Variants in ENSA observed in about 807,000 individuals in gnomAD.
The protein encoded by ENSA is alpha-endosulfine.
A neutral mutation model predicts 16.8 loss-of-function variants in ENSA; 7 were observed. The ratio of observed to expected loss-of-function variants is 0.42; its 90% CI spans 0.24 to 0.78. The LOEUF (loss-of-function observed/expected upper bound fraction) is 0.78. ENSA is among the 30% of genes least tolerant of loss of function. The pLI is 0.29. For synonymous variants in ENSA, 58 were observed against 53.4 expected, an observed-to-expected ratio of 1.09 and a Z score of -0.37; for missense variants, 87 against 142.3, an observed-to-expected ratio of 0.61 and a Z score of 1.98.
chr1:150,625,537 G>A lies in ENSA; in HGVS notation c.350+105C>T, dbSNP rs587662361. 2.3e-5 allele frequency: 33 copies of A among 1,440,414 alleles called. No homozygotes were observed. In the South Asian group the frequency reaches 4.1e-4, roughly 18 times the overall value. 89.2% of individuals were successfully genotyped at this position (1,440,414 alleles called of 1,614,324 possible). ...CCCCAGCAGAATCACAGTCATTTCT[G>A]GCTAGCAAGCTGAGAAGATCTGACT... On this transcript the variant is annotated intron_variant, in intron 3 of 3. Transcript: ENST00000369014.
At chr1:150,623,916 G>A in intron 3 of ENSA, 2 of 985,434 alleles carry the variant, frequency 2.0e-6, no homozygotes, top group Non-Finnish European at 2.4e-6. Flanking sequence ...TGGCCAGTCA[G>A]GAGAAAGGCA....
rs191252530 is a variant in ENSA, at chr1:150,622,813, G to A, written c.*31C>T. 1.6e-3 allele frequency: 2,512 copies of A among 1,556,108 alleles called. 3 individuals are homozygous for A. The highest frequency in any genetic ancestry group is 3.3e-3 in the Admixed American group (171 of 51,704). Reference sequence around the variant, plus strand: ...CCCGGGTGGGGCAGGGAGGGGAAGCGTCTCAGGATCTGGCAGAGCCCCGGG... The same window carrying A: ...CCCGGGTGGGGCAGGGAGGGGAAGCATCTCAGGATCTGGCAGAGCCCCGGG... On this transcript the variant is annotated 3_prime_UTR_variant, in exon 4 of 4. Coordinates refer to ENST00000369014, the MANE Select transcript of ENSA (RefSeq NM_004436.4).
intron 3 of ENSA, chr1:150,623,729 C>T (rs188167314): frequency 1.0e-6 from 1 of 985,710 alleles, no homozygotes; most frequent in Admixed American, 6.2e-5. Context: ...TTCCCCTTCC[C>T]AGATGGACTT....
chr1:150,627,761 G>A (rs1649452535), intron 1 of ENSA, among the ~76,000 whole-genome samples, 169 bp from the exon 2 acceptor site: 1 of 152,182 alleles, frequency 6.6e-6, no homozygotes, highest in South Asian at 2.1e-4. Flanking sequence ...TAAAGCTCAA[G>A]ATGACTATTG....
At chr1:150,623,948 C>A (rs1571007593) in intron 3 of ENSA, 1 of 985,430 alleles carries the variant, frequency 1.0e-6, no homozygotes, top group East Asian at 1.1e-4. Flanking sequence ...CATCCCCCCA[C>A]ATGCACATCA....
chr1:150,623,764 G>A, intron 3 of ENSA: 1 of 985,704 alleles, frequency 1.0e-6, no homozygotes, highest in Non-Finnish European at 1.2e-6. Flanking sequence ...TGAGGAAATG[G>A]AGCAAGAAAC....
At chr1:150,626,519 T>TTA in intron 2 of ENSA, 1 of 1,613,742 alleles carries the variant, frequency 6.2e-7, no homozygotes, top group Non-Finnish European at 8.5e-7. Flanking sequence ...ATGTAATGAT[T>TTA]TATAATCCTA....
chr1:150,629,107 C>A, intron 1 of ENSA: 1 of 1,614,164 alleles, frequency 6.2e-7, no homozygotes, highest in Non-Finnish European at 8.5e-7. Flanking sequence ...ACCAGCCATC[C>A]CCTTTCCATT....
At chr1:150,625,830 T>C (rs1649266944) in intron 2 of ENSA, 22 bp from the exon 3 acceptor site, 6 of 1,573,752 alleles carry the variant, frequency 3.8e-6, no homozygotes, top group Non-Finnish European at 5.2e-6. Context: ...GAGGGAGGTT[T>C]AGGTGAGTGA....
At chr1:150,625,194 G>A (rs587616642) in intron 3 of ENSA, 2 of 986,496 alleles carry the variant, frequency 2.0e-6, no homozygotes, top group East Asian at 1.1e-4. Context: ...GCAGCCTAAG[G>A]GACAGAACAC....
chr1:150,626,893 T>C (rs1649370084), intron 2 of ENSA, among the ~76,000 whole-genome samples: 1 of 152,128 alleles, frequency 6.6e-6, no homozygotes, highest in Non-Finnish European at 1.5e-5. Flanking sequence ...CAGCTTTAGG[T>C]ACCTTTGGGA....
At chr1:150,624,015 T>C in intron 3 of ENSA, 1 of 985,440 alleles carries the variant, frequency 1.0e-6, no homozygotes, top group African/African-American at 1.7e-5. Flanking sequence ...GAATTTGTGA[T>C]GTGAGAGGGC....
At chr1:150,625,999 C>G (rs587685553) in intron 2 of ENSA, among the ~76,000 whole-genome samples, 191 bp from the exon 3 acceptor site, 1 of 152,272 alleles carries the variant, frequency 6.6e-6, no homozygotes, top group African/African-American at 2.4e-5. Flanking sequence ...CCAGTGTGTT[C>G]TGACTTTTTC....
chr1:150,629,527 G>C lies in ENSA; in HGVS notation c.-57C>G, dbSNP rs1239247711. ...CCGGGAAGGCAACCGGAGAAGGGAAGGGGGAGGGGAAACGGGGACAACCTG... is the reference window on the plus strand; with the variant it reads ...CCGGGAAGGCAACCGGAGAAGGGAACGGGGAGGGGAAACGGGGACAACCTG... On this transcript the variant is annotated 5_prime_UTR_variant, in exon 1 of 4. Coordinates refer to ENST00000369014, the MANE Select transcript of ENSA (RefSeq NM_004436.4). 4 of 1,589,500 alleles carry C rather than the reference G, an allele frequency of 2.5e-6. No homozygotes were observed. In the East Asian group the frequency reaches 8.9e-5, roughly 36 times the overall value.
At chr1:150,626,584 C>A (rs112139865) in intron 2 of ENSA, 1 of 1,347,320 alleles carries the variant, frequency 7.4e-7, no homozygotes, top group Non-Finnish European at 1.0e-6. Flanking sequence ...TGAGATGGAG[C>A]CTCGCTATGT....
chr1:150,622,768 G>T lies in ENSA; in HGVS notation c.*76C>A. The stretch of plus-strand genomic sequence containing the variant: ...GACCCCTGGCTGCAAAAGCAGGAAG[G>T]GGCAGGAGCCAGCACAGGACCCGGG... On this transcript the variant is annotated 3_prime_UTR_variant, in exon 4 of 4. Transcript: ENST00000369014. 6.7e-7 allele frequency: 1 copy of T among 1,503,588 alleles called. No individual in the cohort carries two copies. Among genetic ancestry groups the T allele is most frequent in the South Asian group, 1.3e-5 (1 of 79,910 alleles). 93.1% of individuals were successfully genotyped at this position (1,503,588 alleles called of 1,614,324 possible).
chr1:150,627,200 T>G, intron 2 of ENSA: 1 of 1,497,818 alleles, frequency 6.7e-7, no homozygotes, highest in Non-Finnish European at 8.9e-7. Flanking sequence ...AGTCTGCATT[T>G]CAGTTTCTAA....
chr1:150,622,871 C>CA lies in ENSA; in HGVS notation c.351-13dup, dbSNP rs1557767672. Reference sequence around the variant, plus strand: ...ATTCAACTTGGCCACTGCGGACGAACACAGAAGAAAAAAAAAAAAAACAAC... The same window carrying CA: ...ATTCAACTTGGCCACTGCGGACGAACAACAGAAGAAAAAAAAAAAAAACAAC... On this transcript the variant is annotated splice_polypyrimidine_tract_variant and intron_variant, in intron 3 of 3. Coordinates refer to ENST00000369014, the MANE Select transcript of ENSA (RefSeq NM_004436.4). 2.7e-6 allele frequency: 4 copies of CA among 1,458,826 alleles called. No homozygotes were observed. In the Admixed American group the frequency reaches 9.2e-5, roughly 33 times the overall value. 90.4% of individuals were successfully genotyped at this position (1,458,826 alleles called of 1,614,324 possible).
At chr1:150,624,460 T>C (rs1040924428) in intron 3 of ENSA, 2 of 985,818 alleles carry the variant, frequency 2.0e-6, no homozygotes, top group Non-Finnish European at 2.4e-6. Context: ...CTGAGCATGT[T>C]TCCTCAGGCC....
Sources: gnomAD v4.1 joint callset for allele counts (sites outside exome capture counted in the v4.1 genomes callset) on GRCh38, gnomAD v4.1.1 for gene constraint, MANE v1.5 for transcripts, NCBI Gene and HGNC (gene_info 2026-07-23, HGNC 2026-07-21) for gene names.